The following CIITA variants were observed in gnomAD, a reference collection of about 807,000 sequenced individuals.
CIITA encodes the protein MHC class II transactivator.
A neutral mutation model predicts 115.1 loss-of-function variants in CIITA; 72 were observed. The ratio of observed to expected loss-of-function variants is 0.63; its 90% CI spans 0.52 to 0.76. The LOEUF is 0.76. Ranked by LOEUF, CIITA falls within the 30% of genes least tolerant of loss-of-function variation. The pLI is 0.00. For missense variants in CIITA, 1,617 were observed against 1,463.8 expected, an observed-to-expected ratio of 1.10 and a Z score of -1.71; for synonymous variants, 763 against 635.6, an observed-to-expected ratio of 1.20 and a Z score of -3.02.
At position 10,932,552 on chromosome 16, in the gene CIITA, T is replaced by A. The variant is rs972757405; in HGVS notation, c.*8697T>A. The A allele has an allele frequency of 3.3e-5, 5 of 152,044 alleles. No homozygotes were observed. The highest frequency in any genetic ancestry group is 9.7e-5 in the African/African-American group (4 of 41,386). The allele number at this position is 152,044 out of a possible 1,614,324, so 9.4% of individuals were successfully genotyped here. On this transcript the variant is annotated 3_prime_UTR_variant, in exon 20 of 20. Coordinates refer to ENST00000324288, the MANE Select transcript of CIITA (RefSeq NM_000246.4). ...GTCCCTTTTCTCTGAGATGGGGGTA[T>A]CCAATCTTTTGGCTTCCCTGGGCCA... is the stretch of plus-strand genomic sequence containing the variant.
chr16:10,874,552 G>C (rs938806498), upstream of CIITA, among the ~76,000 whole-genome samples: 3 of 152,226 alleles, frequency 2.0e-5, no homozygotes, highest in African/African-American at 7.2e-5. Context: ...AGGTGCCAAA[G>C]TGCATCCTCT....
Position 10,915,657 on chromosome 16 carries a change from A to G in CIITA, c.2969+7A>G. The G allele has an allele frequency of 6.2e-7, 1 of 1,611,842 alleles. No homozygotes were observed. The highest frequency in any genetic ancestry group is 8.5e-7 in the Non-Finnish European group (1 of 1,178,128). On this transcript the variant is annotated splice_region_variant and intron_variant, in intron 14 of 19. Coordinates refer to ENST00000324288, the MANE Select transcript of CIITA (RefSeq NM_000246.4). ...CCTCCCTGCAGCATCTGGAGTGAGT[A>G]TAGACTCTGGGACCCCTTCCTCTCA...
chr16:10,915,023 G>C (rs566443086), intron 13 of CIITA: 32 of 456,102 alleles, frequency 7.0e-5, no homozygotes, highest in African/African-American at 6.4e-4. Context: ...CAAGATGGGA[G>C]CCCAACTTAC....
rs1222408303 is a variant in CIITA, at chr16:10,924,606, C to T, written c.*751C>T. On this transcript the variant is annotated 3_prime_UTR_variant, in exon 20 of 20. Coordinates refer to ENST00000324288, the MANE Select transcript of CIITA (RefSeq NM_000246.4). ...GGGCACACCGGGCACTCAGAAGACA[C>T]TGATGGGCAACCCCCAGCCTGCTAA... The T allele has an allele frequency of 6.6e-6, 1 of 152,302 alleles. No individual in the cohort carries two copies. Among genetic ancestry groups the T allele is most frequent in the South Asian group, 2.1e-4 (1 of 4,834 alleles). The allele number at this position is 152,302 out of a possible 1,614,324, so 9.4% of individuals were successfully genotyped here.
Position 10,917,286 on chromosome 16 carries a change from C to T in CIITA, c.3062+827C>T, listed in dbSNP as rs988203099. Among the ~76,000 whole-genome samples, 24 of 151,728 alleles carry T rather than the reference C, an allele frequency of 1.6e-4. 1 individual carries two copies. Among genetic ancestry groups the T allele is most frequent in the Non-Finnish European group, 1.8e-4 (12 of 67,978 alleles). ...AATCTCCTAGGCTCAAGCAATCCTC[C>T]CATCTCAACCTTCTGAGTAGCTGGG... On this transcript the variant is annotated intron_variant, in intron 15 of 19. Transcript: ENST00000324288.
rs1472521069 is a variant in CIITA at position 10,901,622 on chromosome 16, T to C, written c.481+64T>C. On this transcript the variant is annotated intron_variant, in intron 6 of 19. Transcript: ENST00000324288. The surrounding 1 kb of genome is among the most constrained non-coding windows in gnomAD (Gnocchi z 6.8). ...TGCCTTGGGGAGGGGATGGAAGAGA[T>C]TGAACTCCTGGCCCAAGTCTGATGG... 13 of 1,535,636 alleles carry C rather than the reference T, an allele frequency of 8.5e-6. No individual in the cohort carries two copies. The highest frequency in any genetic ancestry group is 3.5e-5 in the Admixed American group (2 of 56,864).
At chr16:10,939,182 G>C (rs1401466833), downstream of CIITA, 1 of 152,248 alleles carries the variant, frequency 6.6e-6, no homozygotes, top group Non-Finnish European at 1.5e-5. The surrounding 1 kb of genome is among the most constrained non-coding windows in gnomAD (Gnocchi z 4.9). Flanking sequence ...ACTTTTGAGA[G>C]TTGTTCTCAG....
Position 10,902,639 on chromosome 16 carries a change from C to T in CIITA, c.629-19C>T, listed in dbSNP as rs1596534544. On this transcript the variant is annotated intron_variant, in intron 7 of 19. Coordinates refer to ENST00000324288, the MANE Select transcript of CIITA (RefSeq NM_000246.4). ...AGGTGCTATGCAAGATCCCACCTCA[C>T]TGCCTTTGTCTCTTGCAGTGCCTTT... is the stretch of plus-strand genomic sequence containing the variant. 1 of 1,614,222 alleles carries T rather than the reference C, an allele frequency of 6.2e-7. No individual in the cohort carries two copies. Among genetic ancestry groups the T allele is most frequent in the Non-Finnish European group, 8.5e-7 (1 of 1,180,016 alleles).
At chr16:10,877,808 AG>A (rs1230977173) in intron 1 of CIITA, among the ~76,000 whole-genome samples, 2 of 152,158 alleles carry the variant, frequency 1.3e-5, no homozygotes, top group Admixed American at 1.3e-4. Context: ...GTCAGCCTTG[AG>A]GTGTAGCTGT....
chr16:10,918,568 G>A (rs567677982), intron 16 of CIITA, 42 bp downstream of exon 16: 2 of 1,573,100 alleles, frequency 1.3e-6, no homozygotes, highest in South Asian at 2.2e-5. Context: ...TGAGCTGGGG[G>A]GCTGCAGAGC....
At chr16:10,904,638 G>A (rs766204679) in intron 9 of CIITA, 106 bp from the exon 10 acceptor site, 163 of 1,145,122 alleles carry the variant, frequency 1.4e-4, no homozygotes, top group Non-Finnish European at 2.1e-4. Flanking sequence ...CCTCCATCTT[G>A]GGAAACTCAG....
At position 10,941,768 on chromosome 16, in the gene CIITA, G is replaced by A; in HGVS notation, n.894G>A. 6.2e-7 allele frequency: 1 copy of A among 1,613,520 alleles called. No homozygotes were observed. Among genetic ancestry groups the A allele is most frequent in the East Asian group, 2.2e-5 (1 of 44,874 alleles). On this transcript the variant is annotated non_coding_transcript_exon_variant, in exon 2 of 2. Coordinates refer to the CIITA transcript ENST00000573379. This position sits in a 1 kb window ranked among gnomAD's most constrained non-coding sequence, Gnocchi z 6.4. ...TCGAGCTCCGAGTCAGCATCGTAAA[G>A]GCCCGAGCCGGGGTCGGAGAGCACG...
In CIITA at chr16:10,915,588, C is replaced by T. The variant is rs1477443427; in HGVS notation, c.2907C>T (p.Gly969=). Residue 969 remains glycine (G), a synonymous_variant, in exon 14 of 20, where the codon GGC becomes GGT. Transcript: ENST00000324288. The part of the protein sequence containing the change: ...KLEFALGPVS[G]PQAFPKLVRI... Reference sequence around the variant, plus strand: ...CTCCTAGGCTGGGCCCTGTCTCAGGCCCCCAGGCTTTCCCCAAACTGGTGC... The same window carrying T: ...CTCCTAGGCTGGGCCCTGTCTCAGGTCCCCAGGCTTTCCCCAAACTGGTGC... 6.2e-7 allele frequency: 1 copy of T among 1,613,920 alleles called. No individual in the cohort carries two copies. The highest frequency in any genetic ancestry group is 2.2e-5 in the East Asian group (1 of 44,876).
At chr16:10,922,570 C>T in intron 18 of CIITA, 80 bp downstream of exon 18, 1 of 1,428,820 alleles carries the variant, frequency 7.0e-7, no homozygotes, top group East Asian at 2.3e-5. Context: ...GAGCTCAAAT[C>T]ATGCTCTTCC....
chr16:10,887,501 T>C (rs1345503701), intron 1 of CIITA, among the ~76,000 whole-genome samples: 1 of 151,880 alleles, frequency 6.6e-6, no homozygotes, highest in East Asian at 1.9e-4. Flanking sequence ...TCAAGCTTTT[T>C]TTTTTTTTGT....
In CIITA at chr16:10,889,510, T is replaced by A. The variant is rs532800543; in HGVS notation, c.53-5772T>A. Among the ~76,000 whole-genome samples, 41 of 151,088 alleles carry A rather than the reference T, an allele frequency of 2.7e-4. 2 individuals are homozygous for A. The highest frequency in any genetic ancestry group is 9.6e-4 in the African/African-American group (39 of 40,570). On this transcript the variant is annotated intron_variant, in intron 1 of 19. Transcript: ENST00000324288. ...CTGATGATCCTGCAGGACAATCTTTTTTGTTTTTTGTTTTTTGTTTTTTTT... is the reference window on the plus strand; with the variant it reads ...CTGATGATCCTGCAGGACAATCTTTATTGTTTTTTGTTTTTTGTTTTTTTT...
At position 10,907,563 on chromosome 16, in the gene CIITA, G is replaced by A. The variant is rs1000440998; in HGVS notation, c.2071G>A (p.Ala691Thr). 1.9e-6 allele frequency: 3 copies of A among 1,614,058 alleles called. No homozygotes were observed. The African/African-American group carries it at 4.0e-5, about 22-fold the overall frequency. Reference sequence around the variant, plus strand: ...CGCAGACGTGAGGACCTGGGCGATGGCCAAAGGCTTAGTCCAACACCCACC... The same window carrying A: ...CGCAGACGTGAGGACCTGGGCGATGACCAAAGGCTTAGTCCAACACCCACC... ...PSADVRTWAM[A>T]KGLVQHPPRA... The change falls in exon 11 of 20, where the codon GCC becomes ACC. Residue 691 changes from alanine to threonine, a missense_variant. Transcript: ENST00000324288. The surrounding 1 kb of genome is among the most constrained non-coding windows in gnomAD (Gnocchi z 5.0).
upstream of CIITA, among the ~76,000 whole-genome samples, chr16:10,876,545 A>T (rs996459927): frequency 6.6e-6 from 1 of 152,208 alleles, no homozygotes; most frequent in Non-Finnish European, 1.5e-5. Flanking sequence ...CCTCCTTGAT[A>T]CCACCAGGAG....
At position 10,889,083 on chromosome 16, in the gene CIITA, G is replaced by A. The variant is rs112752283; in HGVS notation, c.53-6199G>A. 5.0e-3 allele frequency among the ~76,000 whole-genome samples: 764 copies of A among 152,272 alleles called. 10 individuals carry two copies. The highest frequency in any genetic ancestry group is 0.017 in the African/African-American group (715 of 41,562). Reference sequence around the variant, plus strand: ...CACGGATGAAGAGAGGCTGCCATGCGCAGAAACATGCTGAGAGCTGGGAGA... The same window carrying A: ...CACGGATGAAGAGAGGCTGCCATGCACAGAAACATGCTGAGAGCTGGGAGA... On this transcript the variant is annotated intron_variant, in intron 1 of 19. Coordinates refer to ENST00000324288, the MANE Select transcript of CIITA (RefSeq NM_000246.4).
Sources: gnomAD v4.1 joint callset for allele counts (sites outside exome capture counted in the v4.1 genomes callset) on GRCh38, gnomAD v4.1.1 for gene constraint, Gnocchi (gnomAD v3.1) non-coding constraint, MANE v1.5 for transcripts, NCBI Gene and HGNC (gene_info 2026-07-23, HGNC 2026-07-21) for gene names.